OCIAD1: variants seen among roughly 807,000 people sequenced by gnomAD.
The protein encoded by OCIAD1 is OCIA domain-containing protein 1.
A neutral mutation model predicts 38.9 loss-of-function variants in OCIAD1; 29 were observed. The observed-to-expected ratio is 0.74, with a 90% CI of 0.55 to 1.02. The LOEUF (loss-of-function observed/expected upper bound fraction) is 1.02. Ranked by LOEUF, OCIAD1 falls within the 50% of genes least tolerant of loss-of-function variation. The probability of loss-of-function intolerance (pLI) is 0.00; values close to 1 mark genes in which losing one functional copy is unlikely to be tolerated. For missense variants in OCIAD1, 288 were observed against 289.6 expected (o/e 0.99, Z 0.04); for synonymous variants, 110 against 92.0 (o/e 1.20, Z -1.12).
intron 8 of OCIAD1, among the ~76,000 whole-genome samples, chr4:48,859,341 G>T (rs1413139198): frequency 6.6e-6 from 1 of 152,096 alleles, no homozygotes; most frequent in African/African-American, 2.4e-5. Context: ...GTAAAGACTT[G>T]TCGGTACTTT....
At chr4:48,851,643 T>TGGTG (rs1779476952) in intron 6 of OCIAD1, among the ~76,000 whole-genome samples, 163 bp from the exon 7 acceptor site, 1 of 152,098 alleles carries the variant, frequency 6.6e-6, no homozygotes. Context: ...GTCACTGCAC[T>TGGTG]ATAGCCTGGG....
intron 3 of OCIAD1, among the ~76,000 whole-genome samples, chr4:48,841,328 TTAAAA>T (rs950227128): frequency 2.0e-5 from 3 of 152,272 alleles, no homozygotes; most frequent in Non-Finnish European, 4.4e-5. Context: ...CAATTTAACT[TTAAAA>T]TAACTTGCAG....
At chr4:48,826,029 G>A (rs1777245794) in intron 1 of OCIAD1, among the ~76,000 whole-genome samples, 1 of 151,960 alleles carries the variant, frequency 6.6e-6, no homozygotes, top group South Asian at 2.1e-4. Context: ...GTAGAGACAG[G>A]GTTTCGCCGT....
intron 3 of OCIAD1, among the ~76,000 whole-genome samples, chr4:48,841,496 A>G (rs971493349): frequency 6.6e-6 from 1 of 152,202 alleles, no homozygotes; most frequent in African/African-American, 2.4e-5. Context: ...CGGGGAACTC[A>G]TTAGAGACTC....
chr4:48,832,856 G>C, intron 2 of OCIAD1, 174 bp downstream of exon 2: 1 of 607,714 alleles, frequency 1.6e-6, no homozygotes. Context: ...TTTGGATAAG[G>C]AGTCCCACGT....
rs1777613479 is a variant in OCIAD1, at chr4:48,832,639, T to C, written c.15T>C (p.Ala5=). 1.9e-6 allele frequency: 3 copies of C among 1,613,026 alleles called. No individual in the cohort carries two copies. Among genetic ancestry groups the C allele is most frequent in the South Asian group, 1.1e-5 (1 of 91,074 alleles). Residue 5 remains alanine, a synonymous_variant, in exon 2 of 9, where the codon GCT becomes GCC. Transcript: ENST00000264312. MNGR[A]DFREPNAEVP... ...ATACAGGAAAGATGAATGGGAGGGC[T>C]GATTTTCGAGAGCCGAATGCAGAGG...
chr4:48,851,282 A>G lies in OCIAD1; in HGVS notation c.378-524A>G, dbSNP rs904462557. On this transcript the variant is annotated intron_variant, in intron 6 of 8. Transcript: ENST00000264312. The stretch of plus-strand genomic sequence containing the variant: ...CTGGGTATACATTTCCTATTTTTCT[A>G]TACTGACAGTGACTGCTTTTAAGAT... 4.6e-5 allele frequency among the ~76,000 whole-genome samples: 7 copies of G among 152,374 alleles called. 3 individuals carry two copies.
chr4:48,833,990 C>T (rs1358255570), intron 3 of OCIAD1, among the ~76,000 whole-genome samples: 1 of 151,930 alleles, frequency 6.6e-6, no homozygotes, highest in Admixed American at 6.6e-5. Flanking sequence ...CTCTTGATTT[C>T]TGATTAAAGA....
intron 6 of OCIAD1, 75 bp from the exon 7 acceptor site, chr4:48,851,731 G>T (rs527408276): frequency 1.9e-4 from 148 of 766,618 alleles, no homozygotes; most frequent in African/African-American, 1.5e-3. Flanking sequence ...CTATATGAAA[G>T]AAGTTATTTT....
At chr4:48,855,244 T>A (rs1300837748) in intron 7 of OCIAD1, among the ~76,000 whole-genome samples, 4 of 152,226 alleles carry the variant, frequency 2.6e-5, no homozygotes, top group Admixed American at 6.5e-5. Context: ...CAGAGTGGGG[T>A]TAAGAACCCA....
At chr4:48,849,815 T>G in intron 5 of OCIAD1, 132 bp from the exon 6 acceptor site, 2 of 700,840 alleles carry the variant, frequency 2.9e-6, no homozygotes, top group South Asian at 4.0e-5. Context: ...CTACCATTAT[T>G]TCAGGAAATC....
At chr4:48,858,155 C>T (rs561110288) in intron 8 of OCIAD1, among the ~76,000 whole-genome samples, 2 of 151,988 alleles carry the variant, frequency 1.3e-5, no homozygotes, top group South Asian at 4.2e-4. Context: ...CTCTGTTCCC[C>T]CCTCCCCCCG....
chr4:48,831,457 A>G, intron 1 of OCIAD1: 2 of 1,285,108 alleles, frequency 1.6e-6, no homozygotes, highest in Non-Finnish European at 2.0e-6. Context: ...GTTCGTGGTC[A>G]CGGATGCGTG....
intron 3 of OCIAD1, among the ~76,000 whole-genome samples, chr4:48,839,276 A>T (rs1205014194): frequency 2.0e-5 from 3 of 152,096 alleles, no homozygotes; most frequent in Non-Finnish European, 4.4e-5. Context: ...TCTCTACTAA[A>T]AATACAAAAA....
At chr4:48,816,481 T>G (rs1285303726) in intron 1 of OCIAD1, among the ~76,000 whole-genome samples, 1 of 150,920 alleles carries the variant, frequency 6.6e-6, no homozygotes, top group Non-Finnish European at 1.5e-5. Context: ...TGCAGTGATC[T>G]GAGATCACGC....
At chr4:48,821,514 C>T (rs1777193827) in intron 1 of OCIAD1, among the ~76,000 whole-genome samples, 2 of 152,156 alleles carry the variant, frequency 1.3e-5, no homozygotes, top group African/African-American at 4.8e-5. Context: ...CTCATCATTC[C>T]TATTTAACGT....
At chr4:48,836,886 C>T (rs994237640) in intron 3 of OCIAD1, among the ~76,000 whole-genome samples, 17 of 152,174 alleles carry the variant, frequency 1.1e-4, no homozygotes, top group Admixed American at 5.9e-4. Flanking sequence ...ATAACTGGAA[C>T]GAGTTGAGAA....
At position 48,861,218 on chromosome 4, in the gene OCIAD1, T is replaced by C. The variant is rs1434492897; in HGVS notation, c.*456T>C. On this transcript the variant is annotated 3_prime_UTR_variant, in exon 9 of 9. Transcript: ENST00000264312. ...GTATTTTCTGTATTATCTTAATGTT[T>C]ATGGCAAATAAAATGTAAAGGAACA... 6.5e-6 allele frequency: 1 copy of C among 153,724 alleles called. No individual in the cohort carries two copies. The highest frequency in any genetic ancestry group is 2.4e-5 in the African/African-American group (1 of 41,518). The allele number at this position is 153,724 out of a possible 1,614,324, so 9.5% of individuals were successfully genotyped here.
intron 7 of OCIAD1, 60 bp downstream of exon 7, chr4:48,852,035 T>C: frequency 1.6e-6 from 2 of 1,285,576 alleles, no homozygotes; most frequent in South Asian, 2.7e-5. Flanking sequence ...GTATAAACTT[T>C]ATTTGATGAC....
Sources: allele counts gnomAD v4.1 joint callset (sites outside exome capture counted in the v4.1 genomes callset), GRCh38; gene constraint gnomAD v4.1.1; transcripts MANE v1.5; gene names NCBI Gene and HGNC (gene_info 2026-07-23, HGNC 2026-07-21).